XRCC6: variants seen among roughly 807,000 people sequenced by gnomAD.
XRCC6 encodes the protein DNA repair protein Ku70.
In XRCC6, 5 loss-of-function variants were observed where a neutral mutation model predicts 65.7. The observed-to-expected ratio is 0.08, with a 90% CI of 0.04 to 0.16. The LOEUF (loss-of-function observed/expected upper bound fraction) is 0.16. XRCC6 is among the 10% of genes least tolerant of loss of function. The probability of loss-of-function intolerance (pLI) is 1.00; values close to 1 mark genes in which losing one functional copy is unlikely to be tolerated. For missense variants in XRCC6, 447 were observed against 738.1 expected (o/e 0.61, Z 4.57); for synonymous variants, 270 against 270.6 (o/e 1.00, Z 0.02).
intron 7 of XRCC6, chr22:41,648,280 A>G (rs967985833): frequency 7.2e-5 from 11 of 151,988 alleles, no homozygotes; most frequent in African/African-American, 2.7e-4. Flanking sequence ...TGATAGCTAG[A>G]AAGTTAAACT....
chr22:41,652,970 C>G (rs1465253345), intron 8 of XRCC6, among the ~76,000 whole-genome samples: 3 of 152,184 alleles, frequency 2.0e-5, no homozygotes, highest in Admixed American at 6.5e-5. Flanking sequence ...CCATGCCCGG[C>G]CATAATTCAC....
At position 41,636,655 on chromosome 22, in the gene XRCC6, A is replaced by G. The variant is rs762766085; in HGVS notation, c.474A>G (p.Gln158=). 3.1e-6 allele frequency: 5 copies of G among 1,614,086 alleles called. No individual in the cohort carries two copies. Among genetic ancestry groups the G allele is most frequent in the Non-Finnish European group, 4.2e-6 (5 of 1,180,020 alleles). Residue 158 remains glutamine, a synonymous_variant, in exon 5 of 13, where the codon CAA becomes CAG. Transcript: ENST00000360079. ...WVCANLFSDV[Q]FKMSHKRIML... ...GTGCCAACCTCTTTAGTGATGTCCA[A>G]TTCAAGATGAGTCATAAGAGGATCA...
intron 3 of XRCC6, 44 bp downstream of exon 3, chr22:41,628,274 G>C (rs754414889): frequency 2.6e-6 from 4 of 1,529,876 alleles, no homozygotes; most frequent in Non-Finnish European, 3.6e-6. Context: ...AAACAGTATT[G>C]GCTGGGCATG....
Position 41,628,120 on chromosome 22 carries a change from G to T in XRCC6, c.85G>T (p.Asp29Tyr). Residue 29 changes from aspartate to tyrosine, a missense_variant and splice_region_variant, in exon 3 of 13, where the codon GAC becomes TAC. Coordinates refer to ENST00000360079, the MANE Select transcript of XRCC6 (RefSeq NM_001469.5). ...EQEENLEASG[D>Y]YKYSGRDSLI... ...TTCTTCCATTTTTTTCCCCATAGGA[G>T]ACTATAAATATTCAGGAAGAGATAG... The T allele has an allele frequency of 6.2e-7, 1 of 1,607,364 alleles. No individual in the cohort carries two copies. The highest frequency in any genetic ancestry group is 8.5e-7 in the Non-Finnish European group (1 of 1,175,916).
intron 6 of XRCC6, among the ~76,000 whole-genome samples, chr22:41,639,490 T>C (rs2067850926): frequency 1.3e-5 from 2 of 151,252 alleles, no homozygotes; most frequent in Non-Finnish European, 3.0e-5. Flanking sequence ...TGTGCCACCA[T>C]GCTCTGCTGA....
chr22:41,658,934 A>C (rs2068073334), intron 11 of XRCC6, among the ~76,000 whole-genome samples: 1 of 152,168 alleles, frequency 6.6e-6, no homozygotes, highest in Non-Finnish European at 1.5e-5. Context: ...TGTCTCAAAA[A>C]ACAAAACAAA....
At chr22:41,661,296 TCACCAGGC>T in intron 11 of XRCC6, 27 bp from the exon 12 acceptor site, 1 of 1,586,642 alleles carries the variant, frequency 6.3e-7, no homozygotes, top group East Asian at 2.2e-5. Flanking sequence ...GGCTCGTGAC[TCACCAGGC>T]CACTCTTCTG....
intron 4 of XRCC6, 128 bp from the exon 5 acceptor site, chr22:41,636,388 T>C: frequency 1.3e-6 from 2 of 1,487,654 alleles, no homozygotes; most frequent in Non-Finnish European, 1.8e-6. Context: ...CCTTGCTCGA[T>C]GTGGACTTTG....
intron 7 of XRCC6, 79 bp downstream of exon 7, chr22:41,647,161 C>T (rs920892326): frequency 6.1e-6 from 9 of 1,478,288 alleles, no homozygotes; most frequent in Admixed American, 1.9e-5. Flanking sequence ...TGCAGTGGGG[C>T]GAACATGACT....
intron 2 of XRCC6, among the ~76,000 whole-genome samples, chr22:41,626,884 C>T (rs141427254): frequency 1.5e-3 from 226 of 152,158 alleles, no homozygotes; most frequent in Non-Finnish European, 2.5e-3. Context: ...TCGTGATCCG[C>T]GCGCCTCGGC....
At chr22:41,624,940 T>C (rs1188598056) in intron 2 of XRCC6, among the ~76,000 whole-genome samples, 3 of 151,648 alleles carry the variant, frequency 2.0e-5, no homozygotes, top group Non-Finnish European at 2.9e-5. Flanking sequence ...GAGCTTGTAG[T>C]GAGCCGAGAT....
intron 9 of XRCC6, among the ~76,000 whole-genome samples, chr22:41,655,301 A>C (rs2068034806): frequency 6.6e-6 from 1 of 151,948 alleles, no homozygotes; most frequent in Admixed American, 6.6e-5. Flanking sequence ...GAACCACAAA[A>C]TTGTTAAGGG....
At chr22:41,638,924 CTTTTA>C (rs1413368165) in intron 6 of XRCC6, among the ~76,000 whole-genome samples, 15 of 151,974 alleles carry the variant, frequency 9.9e-5, no homozygotes, top group Non-Finnish European at 2.1e-4. Flanking sequence ...TGACTGCATA[CTTTTA>C]TATAACTGGC....
chr22:41,628,506 G>T (rs1202997392), intron 3 of XRCC6, among the ~76,000 whole-genome samples: 2 of 152,134 alleles, frequency 1.3e-5, no homozygotes, highest in African/African-American at 4.8e-5. Flanking sequence ...GAAAAAAGAA[G>T]TAGGCTCCTC....
intron 8 of XRCC6, among the ~76,000 whole-genome samples, chr22:41,652,380 T>C (rs905962654): frequency 4.0e-5 from 6 of 151,746 alleles, no homozygotes; most frequent in African/African-American, 1.2e-4. Flanking sequence ...TTTTTTTTTT[T>C]CTGGAGACAG....
intron 5 of XRCC6, among the ~76,000 whole-genome samples, chr22:41,637,078 A>ATTTTTT (rs35433922): frequency 2.3e-5 from 2 of 88,696 alleles, no homozygotes; most frequent in African/African-American, 4.2e-5. Context: ...GATTGTCTTG[A>ATTTTTT]TTTTTTTTTT....
Position 41,646,781 on chromosome 22 carries a change from G to A in XRCC6, c.774-115G>A, listed in dbSNP as rs1419638700. The A allele has an allele frequency of 4.5e-5, 40 of 879,188 alleles. 1 individual carries two copies. The East Asian group carries it at 9.8e-4, about 21-fold the overall frequency. 54.5% of individuals were successfully genotyped at this position (879,188 alleles called of 1,614,324 possible). Reference sequence around the variant, plus strand: ...TAAAAAGCATATTTATATTTTGAGAGCTTGCTTAGGATTATTGGAGAGAAT... The same window carrying A: ...TAAAAAGCATATTTATATTTTGAGAACTTGCTTAGGATTATTGGAGAGAAT... On this transcript the variant is annotated intron_variant, in intron 6 of 12. Coordinates refer to ENST00000360079, the MANE Select transcript of XRCC6 (RefSeq NM_001469.5).
chr22:41,653,984 C>T (rs550111944), intron 9 of XRCC6, among the ~76,000 whole-genome samples: 1 of 152,014 alleles, frequency 6.6e-6, no homozygotes, highest in Non-Finnish European at 1.5e-5. Context: ...ACCTCACTGC[C>T]GACACCTTTC....
chr22:41,632,139 C>T (rs969666515), intron 3 of XRCC6, among the ~76,000 whole-genome samples: 15 of 146,798 alleles, frequency 1.0e-4, no homozygotes, highest in Admixed American at 2.0e-4. Flanking sequence ...AGAGGGAGAC[C>T]GTGGGGAGAG....
Sources: allele counts gnomAD v4.1 joint callset (sites outside exome capture counted in the v4.1 genomes callset), GRCh38; gene constraint gnomAD v4.1.1; transcripts MANE v1.5; gene names NCBI Gene and HGNC (gene_info 2026-07-23, HGNC 2026-07-21).